Variants in PAK5 observed in about 807,000 individuals in gnomAD.
PAK5 encodes p21 (RAC1) activated kinase 5, also known as serine/threonine-protein kinase PAK 5.
Under a neutral mutation model 65.9 loss-of-function variants are expected in PAK5, and 16 were observed. That is an observed-to-expected ratio of 0.24 (90% CI 0.16 to 0.37). The LOEUF (loss-of-function observed/expected upper bound fraction) is 0.37, where lower values mean the gene tolerates loss of function less well. PAK5 is among the 10% of genes least tolerant of loss of function. PAK5 has a pLI of 1.00. For missense variants in PAK5, 785 were observed against 903.9 expected (o/e 0.87, Z 1.69); for synonymous variants, 371 against 354.9 (o/e 1.05, Z -0.51).
At chr20:9,690,750 CTTTT>C (rs112955560) in intron 2 of PAK5, among the ~76,000 whole-genome samples, 1,287 of 103,940 alleles carry the variant, frequency 0.012, 16 homozygotes, top group African/African-American at 0.044. Context: ...TTCTTTCTTT[CTTTT>C]TTTTTTTTTT....
At chr20:9,642,443 A>C (rs2047081956) in intron 3 of PAK5, among the ~76,000 whole-genome samples, 1 of 152,216 alleles carries the variant, frequency 6.6e-6, no homozygotes, top group Non-Finnish European at 1.5e-5. Flanking sequence ...GTAAGAAAAT[A>C]AGTCTTAGTT....
At chr20:9,743,300 G>T (rs1323476768) in intron 1 of PAK5, among the ~76,000 whole-genome samples, 1 of 151,908 alleles carries the variant, frequency 6.6e-6, no homozygotes, top group Non-Finnish European at 1.5e-5. Flanking sequence ...AGCCCAGGAG[G>T]TTGAATCTGA....
At chr20:9,621,021 C>G (rs1292062472) in intron 3 of PAK5, among the ~76,000 whole-genome samples, 1 of 150,944 alleles carries the variant, frequency 6.6e-6, no homozygotes, top group Non-Finnish European at 1.5e-5. Context: ...TCTTACCCAA[C>G]AAAACAGAGC....
intron 3 of PAK5, among the ~76,000 whole-genome samples, chr20:9,622,618 G>A (rs1024058198): frequency 2.0e-5 from 3 of 152,210 alleles, no homozygotes; most frequent in African/African-American, 7.2e-5. Context: ...GTGGGCCGGT[G>A]AGCATTACCA....
At chr20:9,829,506 T>G (rs1318847401) in intron 1 of PAK5, among the ~76,000 whole-genome samples, 5 of 152,214 alleles carry the variant, frequency 3.3e-5, no homozygotes, top group African/African-American at 1.2e-4. Context: ...GGTAAAATAC[T>G]TGGATGTGGG....
intron 3 of PAK5, among the ~76,000 whole-genome samples, chr20:9,603,524 C>T (rs6108317): frequency 6.5e-4 from 99 of 152,264 alleles, no homozygotes; most frequent in African/African-American, 2.2e-3. Flanking sequence ...CAGCTTCTGC[C>T]TGAGAAAAAC....
intron 3 of PAK5, among the ~76,000 whole-genome samples, chr20:9,603,146 C>T (rs539222761): frequency 2.6e-5 from 4 of 152,150 alleles, no homozygotes; most frequent in Admixed American, 6.5e-5. Flanking sequence ...TAGACGCCTC[C>T]GGTGTAGAAA....
intron 1 of PAK5, among the ~76,000 whole-genome samples, chr20:9,719,119 C>A (rs534333695): frequency 6.6e-6 from 1 of 152,100 alleles, no homozygotes; most frequent in Non-Finnish European, 1.5e-5. Context: ...GAGGAGAAAG[C>A]AACATAATAG....
At chr20:9,711,919 T>C (rs984287219) in intron 1 of PAK5, among the ~76,000 whole-genome samples, 3 of 152,200 alleles carry the variant, frequency 2.0e-5, no homozygotes, top group Non-Finnish European at 4.4e-5. Context: ...TTTCCACAAC[T>C]CTGTGGCTCC....
At chr20:9,835,435 T>A (rs907460247) in intron 1 of PAK5, among the ~76,000 whole-genome samples, 1 of 152,114 alleles carries the variant, frequency 6.6e-6, no homozygotes, top group African/African-American at 2.4e-5. Flanking sequence ...AGGGTCAGTG[T>A]GACAGCATCA....
chr20:9,755,135 T>C (rs1181196716), intron 1 of PAK5, among the ~76,000 whole-genome samples: 5 of 152,192 alleles, frequency 3.3e-5, no homozygotes, highest in South Asian at 2.1e-4. Flanking sequence ...AAGGCAATTA[T>C]TATGTAATAA....
rs145710041 is a variant in PAK5 at position 9,675,258 on chromosome 20, A to G, written c.-11-30919T>C. Among the ~76,000 whole-genome samples the G allele has an allele frequency of 7.2e-5, 11 of 152,274 alleles. No individual in the cohort carries two copies. In the East Asian group the frequency reaches 1.9e-3, roughly 27 times the overall value. On this transcript the variant is annotated intron_variant, in intron 2 of 9. Transcript: ENST00000353224. ...TTATGACAAAAAATAAAAGAGGAGAAGAGTTAAAGCAGTCCAGCTGCATAC... is the reference window on the plus strand; with the variant it reads ...TTATGACAAAAAATAAAAGAGGAGAGGAGTTAAAGCAGTCCAGCTGCATAC...
At chr20:9,774,195 C>T (rs983033989) in intron 1 of PAK5, among the ~76,000 whole-genome samples, 2 of 152,176 alleles carry the variant, frequency 1.3e-5, no homozygotes, top group Non-Finnish European at 2.9e-5. Context: ...TCCATGGGAA[C>T]ACTCCCTACT....
chr20:9,554,313 C>T (rs1228536431), intron 7 of PAK5, among the ~76,000 whole-genome samples: 1 of 152,222 alleles, frequency 6.6e-6, no homozygotes, highest in Non-Finnish European at 1.5e-5. Context: ...ATGCCATGCA[C>T]TTCCACCTCG....
At chr20:9,761,985 A>G (rs1290143190) in intron 1 of PAK5, among the ~76,000 whole-genome samples, 2 of 152,200 alleles carry the variant, frequency 1.3e-5, no homozygotes, top group Non-Finnish European at 2.9e-5. Context: ...ATAATTGTTG[A>G]CAAGGGCAGC....
intron 3 of PAK5, among the ~76,000 whole-genome samples, chr20:9,584,492 T>C (rs1481391987): frequency 6.6e-6 from 1 of 152,164 alleles, no homozygotes; most frequent in African/African-American, 2.4e-5. Context: ...TTTGTATTTT[T>C]AGTAGAGACA....
At chr20:9,638,623 C>T (rs2047011288) in intron 3 of PAK5, among the ~76,000 whole-genome samples, 1 of 152,176 alleles carries the variant, frequency 6.6e-6, no homozygotes, top group Non-Finnish European at 1.5e-5. Flanking sequence ...ATCAGAAATT[C>T]TGAGAATGGA....
At chr20:9,718,516 G>A (rs1410048125) in intron 1 of PAK5, among the ~76,000 whole-genome samples, 2 of 151,818 alleles carry the variant, frequency 1.3e-5, no homozygotes, top group Non-Finnish European at 2.9e-5. Flanking sequence ...TGGAGAATGG[G>A]CTCAAGACCT....
chr20:9,808,599 A>C lies in PAK5; in HGVS notation c.-162+30163T>G, dbSNP rs183298251. ...AACATGGATGAACCTTGAAAACATT[A>C]TGCTAAGTGAAAGAAGCGATCGCAA... On this transcript the variant is annotated intron_variant, in intron 1 of 9. Transcript: ENST00000353224. Among the ~76,000 whole-genome samples, 34 of 152,340 alleles carry C rather than the reference A, an allele frequency of 2.2e-4. No homozygotes were observed. The East Asian group carries it at 4.8e-3, about 22-fold the overall frequency.
Sources: gnomAD v4.1 joint callset for allele counts (sites outside exome capture counted in the v4.1 genomes callset) on GRCh38, gnomAD v4.1.1 for gene constraint, MANE v1.5 for transcripts, NCBI Gene and HGNC (gene_info 2026-07-23, HGNC 2026-07-21) for gene names.